The following GRIN3A variants were observed in gnomAD, a reference collection of about 807,000 sequenced individuals.
The protein encoded by GRIN3A is glutamate ionotropic receptor NMDA type subunit 3A.
A neutral mutation model predicts 92.4 loss-of-function variants in GRIN3A; 47 were observed. That is an observed-to-expected ratio of 0.51 (90% CI 0.40 to 0.65). The LOEUF (loss-of-function observed/expected upper bound fraction) is 0.65, where lower values mean the gene tolerates loss of function less well. GRIN3A is among the 30% of genes least tolerant of loss of function. The pLI is 0.00. For missense variants in GRIN3A, 1,324 were observed against 1,393.1 expected, an observed-to-expected ratio of 0.95 and a Z score of 0.79; for synonymous variants, 527 against 540.6, an observed-to-expected ratio of 0.97 and a Z score of 0.35.
chr9:101,606,040 A>T (rs1214655757), intron 6 of GRIN3A, among the ~76,000 whole-genome samples: 3 of 152,260 alleles, frequency 2.0e-5, no homozygotes, highest in African/African-American at 7.2e-5. Flanking sequence ...GACTCCCAAG[A>T]CCAGGGTCAT....
intron 6 of GRIN3A, among the ~76,000 whole-genome samples, chr9:101,583,984 G>A (rs1827920982): frequency 1.3e-5 from 2 of 152,142 alleles, no homozygotes; most frequent in Admixed American, 6.5e-5. Context: ...AGCCTCCCAA[G>A]TAGCTGGGAT....
intron 1 of GRIN3A, among the ~76,000 whole-genome samples, chr9:101,690,992 G>T (rs940635937): frequency 2.0e-5 from 3 of 151,992 alleles, no homozygotes; most frequent in African/African-American, 7.2e-5. Context: ...AGGTAAATAT[G>T]TATCAGAAAT....
In GRIN3A at chr9:101,737,412, C is replaced by T. The variant is rs1179181875; in HGVS notation, c.568G>A (p.Val190Met). 1 of 1,614,260 alleles carries T rather than the reference C, an allele frequency of 6.2e-7. No individual in the cohort carries two copies. The highest frequency in any genetic ancestry group is 8.5e-7 in the Non-Finnish European group (1 of 1,180,048). Residue 190 changes from valine to methionine, a missense_variant, in exon 1 of 9, where the codon GTG becomes ATG. By Grantham distance (21) the Val-to-Met change is conservative (BLOSUM62 1). Coordinates refer to ENST00000361820, the MANE Select transcript of GRIN3A (RefSeq NM_133445.3). ...GCGAGCAGCGCCGACACCCCTTGCA[C>T]CACCACGGTATGGCACACACTTTGC... Reference protein sequence around the residue: ...FLQSVCHTVVVQGVSALLAFP... With the variant: ...FLQSVCHTVVMQGVSALLAFP...
chr9:101,735,258 C>A (rs577397024), intron 1 of GRIN3A, among the ~76,000 whole-genome samples: 2 of 151,948 alleles, frequency 1.3e-5, no homozygotes, highest in East Asian at 1.9e-4. Context: ...ATATAATAAT[C>A]TCTCCCTTTC....
rs181084101 is a variant in GRIN3A at position 101,687,665 on chromosome 9, A to T, written c.700-465T>A. Among the ~76,000 whole-genome samples the T allele has an allele frequency of 9.2e-5, 14 of 152,326 alleles. No individual in the cohort carries two copies. The East Asian group carries it at 2.7e-3, about 29-fold the overall frequency. ...GCAAAATGCAGGTATTTTTATAAGG[A>T]TGATGTGAAAGATGGATGCATCATA... On this transcript the variant is annotated intron_variant, in intron 1 of 8. Coordinates refer to ENST00000361820, the MANE Select transcript of GRIN3A (RefSeq NM_133445.3).
In GRIN3A at chr9:101,721,219, G is replaced by A. The variant is rs1588297398; in HGVS notation, c.699+16062C>T. Among the ~76,000 whole-genome samples the A allele has an allele frequency of 2.0e-5, 3 of 152,298 alleles. No homozygotes were observed. In the South Asian group the frequency reaches 6.2e-4, roughly 32 times the overall value. The stretch of plus-strand genomic sequence containing the variant: ...ATTCTATTCTAGTGATAGTGAATGA[G>A]TCTTACAAGATCTGATGAGTTTATC... On this transcript the variant is annotated intron_variant, in intron 1 of 8. Coordinates refer to ENST00000361820, the MANE Select transcript of GRIN3A (RefSeq NM_133445.3).
Position 101,689,756 on chromosome 9 carries a change from A to G in GRIN3A, c.700-2556T>C, listed in dbSNP as rs1829590613. ...CACACACACACATACACACACACAC[A>G]CACACACACACACACACAAAGATTA... On this transcript the variant is annotated intron_variant, in intron 1 of 8. Transcript: ENST00000361820. Among the ~76,000 whole-genome samples the G allele has an allele frequency of 2.0e-5, 3 of 151,904 alleles. No individual in the cohort carries two copies. In the South Asian group the frequency reaches 6.3e-4, roughly 32 times the overall value.
chr9:101,668,138 A>C (rs1829266964), intron 3 of GRIN3A, among the ~76,000 whole-genome samples: 1 of 152,110 alleles, frequency 6.6e-6, no homozygotes, highest in African/African-American at 2.4e-5. Context: ...TCAGAGATGA[A>C]ATGATTATTT....
At chr9:101,737,032 C>T (rs1830216318) in intron 1 of GRIN3A, among the ~76,000 whole-genome samples, 2 of 152,108 alleles carry the variant, frequency 1.3e-5, no homozygotes, top group Non-Finnish European at 2.9e-5. Context: ...CATATTCTCC[C>T]CACTTCTTTC....
At chr9:101,643,699 A>C (rs1828897402) in intron 3 of GRIN3A, among the ~76,000 whole-genome samples, 1 of 150,988 alleles carries the variant, frequency 6.6e-6, no homozygotes, top group South Asian at 2.1e-4. Context: ...ACACACACCC[A>C]CACGAATATT....
intron 1 of GRIN3A, among the ~76,000 whole-genome samples, chr9:101,719,714 CAG>C (rs1270443312): frequency 1.3e-5 from 2 of 152,138 alleles, no homozygotes; most frequent in East Asian, 3.9e-4. Flanking sequence ...GTGTTAAAGA[CAG>C]AGTTGGAATG....
chr9:101,604,766 T>C (rs1451601431), intron 6 of GRIN3A, among the ~76,000 whole-genome samples: 2 of 152,182 alleles, frequency 1.3e-5, no homozygotes, highest in African/African-American at 4.8e-5. Context: ...TTTGAGTTTT[T>C]AATATGAATT....
intron 8 of GRIN3A, among the ~76,000 whole-genome samples, chr9:101,577,454 CAA>C (rs1827839570): frequency 6.6e-6 from 1 of 152,110 alleles, no homozygotes; most frequent in Admixed American, 6.5e-5. Context: ...CTCTACTTTA[CAA>C]ATGAGGAACT....
At chr9:101,596,333 C>G (rs1207206599) in intron 6 of GRIN3A, among the ~76,000 whole-genome samples, 1 of 151,964 alleles carries the variant, frequency 6.6e-6, no homozygotes, top group Admixed American at 6.5e-5. Flanking sequence ...CCCAATTAGA[C>G]TGTTATATTG....
intron 6 of GRIN3A, among the ~76,000 whole-genome samples, chr9:101,582,836 A>G (rs1470290149): frequency 6.6e-6 from 1 of 152,166 alleles, no homozygotes; most frequent in African/African-American, 2.4e-5. Flanking sequence ...TCTTGCCTTT[A>G]TGGACATGAC....
chr9:101,623,373 C>A lies in GRIN3A; in HGVS notation c.2559G>T (p.Val853=). The change falls in exon 5 of 9, where the codon GTG becomes GTT. Residue 853 remains valine, a synonymous_variant. Coordinates refer to ENST00000361820, the MANE Select transcript of GRIN3A (RefSeq NM_133445.3). ...IMDKALLDYE[V]SIDADCKLLT... ...GAAGTTTGCAGTCAGCATCTATTGA[C>A]ACTTCATAATCCAGAAGGGCTTTGT... 1 of 1,613,996 alleles carries A rather than the reference C, an allele frequency of 6.2e-7. No homozygotes were observed. Among genetic ancestry groups the A allele is most frequent in the Non-Finnish European group, 8.5e-7 (1 of 1,179,858 alleles).
At position 101,647,990 on chromosome 9, in the gene GRIN3A, C is replaced by G. The variant is rs1828961974; in HGVS notation, c.2353-19589G>C. Among the ~76,000 whole-genome samples, 5 of 151,856 alleles carry G rather than the reference C, an allele frequency of 3.3e-5. No individual in the cohort carries two copies. The South Asian group carries it at 1.0e-3, about 32-fold the overall frequency. ...TTAGTCTCAATTTTATTTATTTCTG[C>G]TCTGATATTTATCATTTTTTCTTCT... is the stretch of plus-strand genomic sequence containing the variant. On this transcript the variant is annotated intron_variant, in intron 3 of 8. Transcript: ENST00000361820.
At chr9:101,684,420 A>G (rs769722342) in intron 2 of GRIN3A, among the ~76,000 whole-genome samples, 2 of 151,650 alleles carry the variant, frequency 1.3e-5, no homozygotes, top group Admixed American at 6.6e-5. Flanking sequence ...CTCTATGTCA[A>G]TTTCAATAAA....
chr9:101,663,314 A>G (rs1829199561), intron 3 of GRIN3A, among the ~76,000 whole-genome samples: 1 of 151,864 alleles, frequency 6.6e-6, no homozygotes, highest in African/African-American at 2.4e-5. Context: ...TGACTAATTT[A>G]TGTGCTCCTT....
Sources: gnomAD v4.1 joint callset for allele counts (sites outside exome capture counted in the v4.1 genomes callset) on GRCh38, gnomAD v4.1.1 for gene constraint, MANE v1.5 for transcripts, NCBI Gene and HGNC (gene_info 2026-07-23, HGNC 2026-07-21) for gene names.